The following BRD10 variants were observed in gnomAD, a reference collection of about 807,000 sequenced individuals.
The protein encoded by BRD10 is uncharacterized bromodomain-containing protein 10.
chr9:5,982,029 A>G, the BRD10 span, among the ~76,000 whole-genome samples: 1 of 148,286 alleles, frequency 6.7e-6, no homozygotes, highest in African/African-American at 2.5e-5. Context: ...AACCTATTGA[A>G]ATTTTATGTA....
At chr9:5,945,964 C>T in the BRD10 span, among the ~76,000 whole-genome samples, 1 of 151,886 alleles carries the variant, frequency 6.6e-6, no homozygotes, top group Non-Finnish European at 1.5e-5. Flanking sequence ...GCCCCAAGTT[C>T]GATACATTCA....
At chr9:5,996,880 C>T in the BRD10 span, among the ~76,000 whole-genome samples, 1 of 152,174 alleles carries the variant, frequency 6.6e-6, no homozygotes, top group Non-Finnish European at 1.5e-5. Flanking sequence ...AACAGAAGCT[C>T]TCTAGGTCAC....
the BRD10 span, among the ~76,000 whole-genome samples, chr9:5,950,116 T>C: frequency 5.3e-5 from 8 of 152,162 alleles, no homozygotes; most frequent in African/African-American, 2.4e-5. Context: ...ATGATGCAAA[T>C]ACTATTACTT....
At chr9:5,969,921 A>T in the BRD10 span, among the ~76,000 whole-genome samples, 2 of 152,228 alleles carry the variant, frequency 1.3e-5, no homozygotes, top group Admixed American at 6.5e-5. Context: ...AGAAATACAC[A>T]TATCACTTCA....
the BRD10 span, among the ~76,000 whole-genome samples, chr9:5,897,855 T>C: frequency 6.6e-6 from 1 of 152,230 alleles, no homozygotes; most frequent in Non-Finnish European, 1.5e-5. Flanking sequence ...ACCAGGAACT[T>C]GCCCTGTGTC....
the BRD10 span, among the ~76,000 whole-genome samples, chr9:5,971,908 G>C: frequency 6.6e-6 from 1 of 151,216 alleles, no homozygotes; most frequent in East Asian, 1.9e-4. Flanking sequence ...CACAATAGGA[G>C]TGGTGAGAGG....
chr9:5,888,978 GAGA>G, the BRD10 span, among the ~76,000 whole-genome samples: 5 of 152,322 alleles, frequency 3.3e-5, 1 homozygote, highest in South Asian at 1.0e-3. Context: ...TGGCTGGTCT[GAGA>G]AGAAGCTCCA....
At chr9:6,000,170 C>G in the BRD10 span, among the ~76,000 whole-genome samples, 1 of 151,946 alleles carries the variant, frequency 6.6e-6, no homozygotes, top group African/African-American at 2.4e-5. Flanking sequence ...AATCTTTTTT[C>G]AAAGTGTACA....
the BRD10 span, among the ~76,000 whole-genome samples, chr9:5,961,470 G>GT: frequency 6.0e-5 from 9 of 151,208 alleles, no homozygotes; most frequent in Non-Finnish European, 1.0e-4. Flanking sequence ...TTTGCTCTGA[G>GT]TTTTTTTTTA....
At chr9:5,900,449 A>G in the BRD10 span, among the ~76,000 whole-genome samples, 31 of 152,356 alleles carry the variant, frequency 2.0e-4, no homozygotes, top group Middle Eastern at 3.4e-3. Flanking sequence ...CAGCAGTCTA[A>G]TAAGTTTAGG....
the BRD10 span, among the ~76,000 whole-genome samples, chr9:5,975,401 T>C: frequency 3.3e-5 from 4 of 122,106 alleles, no homozygotes; most frequent in African/African-American, 1.3e-4. Flanking sequence ...ATCGCACCAC[T>C]GCACTCCAGC....
the BRD10 span, among the ~76,000 whole-genome samples, chr9:5,890,513 T>C: frequency 6.6e-6 from 1 of 152,188 alleles, no homozygotes; most frequent in South Asian, 2.1e-4. Context: ...AAGGGATAGA[T>C]GAAATTTTCT....
At chr9:5,897,727 G>C in the BRD10 span, 23 of 1,263,990 alleles carry the variant, frequency 1.8e-5, no homozygotes, top group Non-Finnish European at 2.7e-5. Flanking sequence ...CTGAATCTCT[G>C]GAGAGTCAGA....
chr9:5,998,263 T>C, the BRD10 span, among the ~76,000 whole-genome samples: 1 of 144,214 alleles, frequency 6.9e-6, no homozygotes, highest in African/African-American at 2.5e-5. Context: ...TCTTGTACTG[T>C]TCTATTATTG....
At chr9:5,961,559 T>A in the BRD10 span, among the ~76,000 whole-genome samples, 1 of 152,168 alleles carries the variant, frequency 6.6e-6, no homozygotes, top group Non-Finnish European at 1.5e-5. Flanking sequence ...CAGAAACATT[T>A]AAATTTTGAA....
the BRD10 span, among the ~76,000 whole-genome samples, chr9:5,901,685 A>C: frequency 6.7e-6 from 1 of 150,120 alleles, no homozygotes; most frequent in Non-Finnish European, 1.5e-5. Context: ...CGCCTGGCTA[A>C]ATTTTTTTGT....
the BRD10 span, among the ~76,000 whole-genome samples, chr9:5,983,249 G>A: frequency 6.6e-6 from 1 of 152,160 alleles, no homozygotes; most frequent in African/African-American, 2.4e-5. Flanking sequence ...CTATTGTAGG[G>A]CTGAACTGGA....
the BRD10 span, among the ~76,000 whole-genome samples, chr9:5,998,573 G>A: frequency 6.6e-6 from 1 of 151,950 alleles, no homozygotes; most frequent in Non-Finnish European, 1.5e-5. Context: ...AAGCAACCAA[G>A]CATGATGATT....
At chr9:5,928,893 C>A in the BRD10 span, 1 of 470,316 alleles carries the variant, frequency 2.1e-6, no homozygotes. Context: ...TTTCTCAGGG[C>A]TTAGAAAGAG....
Sources: gnomAD v4.1 joint callset for allele counts (sites outside exome capture counted in the v4.1 genomes callset) on GRCh38, gnomAD v4.1.1 for gene constraint, MANE v1.5 for transcripts, NCBI Gene and HGNC (gene_info 2026-07-23, HGNC 2026-07-21) for gene names.